Variants in GALNT17 observed in about 807,000 individuals in gnomAD.
The protein encoded by GALNT17 is UDP-GalNAc:polypeptide N-acetylgalactosaminyltransferase-like 3.
Under a neutral mutation model 63.7 loss-of-function variants are expected in GALNT17, and 29 were observed. The observed-to-expected ratio is 0.46, with a 90% confidence interval of 0.34 to 0.62. The LOEUF (loss-of-function observed/expected upper bound fraction) is 0.62. Among genes scored for constraint, GALNT17 ranks in the 20% least tolerant of loss-of-function variants. The probability of loss-of-function intolerance (pLI) is 0.01; values close to 1 mark genes in which losing one functional copy is unlikely to be tolerated. For missense variants in GALNT17, 603 were observed against 799.6 expected (o/e 0.75, Z 2.97); for synonymous variants, 305 against 318.3 (o/e 0.96, Z 0.45).
At chr7:71,369,642 G>A (rs1035769741) in intron 2 of GALNT17, among the ~76,000 whole-genome samples, 2 of 151,690 alleles carry the variant, frequency 1.3e-5, no homozygotes, top group African/African-American at 2.4e-5. Context: ...GAGAAACCCC[G>A]TCTCTACTAA....
intron 6 of GALNT17, among the ~76,000 whole-genome samples, chr7:71,627,570 G>T (rs7794970): frequency 0.011 from 1,618 of 152,204 alleles, 9 homozygotes; most frequent in Non-Finnish European, 0.016. Context: ...ATCAACAGAG[G>T]TACAACCACG....
intron 1 of GALNT17, among the ~76,000 whole-genome samples, chr7:71,165,283 T>A (rs1267091734): frequency 5.3e-5 from 8 of 152,234 alleles, no homozygotes; most frequent in Admixed American, 5.2e-4. Flanking sequence ...GTTCAAGTTC[T>A]GGCACTGCTA....
chr7:71,207,863 TG>T (rs1247067323), intron 1 of GALNT17, among the ~76,000 whole-genome samples: 1 of 152,178 alleles, frequency 6.6e-6, no homozygotes, highest in African/African-American at 2.4e-5. Context: ...GGATTTGTCA[TG>T]GGTACAACAT....
At chr7:71,636,002 T>C (rs990998799) in intron 6 of GALNT17, among the ~76,000 whole-genome samples, 7 of 152,180 alleles carry the variant, frequency 4.6e-5, no homozygotes, top group Admixed American at 6.5e-5. Flanking sequence ...ATCCTGTGAC[T>C]AAGAATGCCT....
chr7:71,576,784 T>C (rs565663323), intron 6 of GALNT17, among the ~76,000 whole-genome samples: 1 of 152,212 alleles, frequency 6.6e-6, no homozygotes, highest in South Asian at 2.1e-4. Context: ...CCCAGGATGG[T>C]CTCAAACTTC....
At chr7:71,582,639 A>G (rs1662520746) in intron 6 of GALNT17, among the ~76,000 whole-genome samples, 1 of 152,156 alleles carries the variant, frequency 6.6e-6, no homozygotes, top group African/African-American at 2.4e-5. Flanking sequence ...CTCGGCCATA[A>G]AAAGGAATGA....
intron 6 of GALNT17, among the ~76,000 whole-genome samples, chr7:71,659,687 A>G (rs1383229753): frequency 6.6e-6 from 1 of 152,242 alleles, no homozygotes; most frequent in East Asian, 1.9e-4. Flanking sequence ...GAGAGGGGAA[A>G]TAGGTTCAGC....
chr7:71,373,548 G>T (rs949342088), intron 2 of GALNT17, among the ~76,000 whole-genome samples: 1 of 152,266 alleles, frequency 6.6e-6, no homozygotes, highest in East Asian at 1.9e-4. Context: ...TGAGCGGCGG[G>T]TGAGCAAGCG....
chr7:71,575,360 A>G (rs1194065308), intron 6 of GALNT17, among the ~76,000 whole-genome samples: 2 of 150,836 alleles, frequency 1.3e-5, no homozygotes, highest in African/African-American at 4.9e-5. Flanking sequence ...CATTCAATGG[A>G]AAATTTTTAA....
chr7:71,241,452 T>C (rs1380888101), intron 1 of GALNT17, among the ~76,000 whole-genome samples: 2 of 152,076 alleles, frequency 1.3e-5, no homozygotes, highest in East Asian at 3.9e-4. Flanking sequence ...TGGAGGTGAG[T>C]AGATCCTTTC....
intron 5 of GALNT17, 115 bp downstream of exon 5, chr7:71,421,220 G>A: frequency 9.0e-7 from 1 of 1,116,398 alleles, no homozygotes; most frequent in Non-Finnish European, 1.3e-6. Context: ...TGTGCACACA[G>A]CTCTCCAGGA....
intron 9 of GALNT17, among the ~76,000 whole-genome samples, chr7:71,700,468 G>A (rs574964564): frequency 6.6e-6 from 1 of 152,200 alleles, no homozygotes; most frequent in African/African-American, 2.4e-5. Context: ...AGTGTGGTCA[G>A]CCTAAAATTC....
chr7:71,529,109 T>A (rs913258384), intron 5 of GALNT17, among the ~76,000 whole-genome samples: 1 of 152,098 alleles, frequency 6.6e-6, no homozygotes, highest in African/African-American at 2.4e-5. Context: ...CACTCCAGCC[T>A]GGGTGACAGA....
intron 2 of GALNT17, among the ~76,000 whole-genome samples, chr7:71,378,458 G>C (rs1014536310): frequency 6.6e-6 from 1 of 152,138 alleles, no homozygotes; most frequent in Non-Finnish European, 1.5e-5. Context: ...GACCCAAGCA[G>C]CTTTCAGAGT....
intron 1 of GALNT17, among the ~76,000 whole-genome samples, chr7:71,296,430 A>G (rs964169609): frequency 6.6e-6 from 1 of 152,056 alleles, no homozygotes; most frequent in African/African-American, 2.4e-5. Context: ...CTTGGCCAAC[A>G]TGGGGCCAAC....
intron 1 of GALNT17, among the ~76,000 whole-genome samples, chr7:71,145,961 C>T (rs1286670762): frequency 1.3e-5 from 2 of 152,184 alleles, no homozygotes; most frequent in Non-Finnish European, 2.9e-5. Context: ...CAGTCTTGGC[C>T]TCCCAAAGTG....
At chr7:71,453,259 C>A (rs1314548146) in intron 5 of GALNT17, among the ~76,000 whole-genome samples, 1 of 152,102 alleles carries the variant, frequency 6.6e-6, no homozygotes, top group Non-Finnish European at 1.5e-5. Context: ...AGCATTATAA[C>A]CCAGTTCACC....
intron 6 of GALNT17, among the ~76,000 whole-genome samples, chr7:71,614,693 G>A (rs1478179867): frequency 6.6e-6 from 1 of 150,864 alleles, no homozygotes; most frequent in African/African-American, 2.4e-5. Flanking sequence ...AGGAAGGGAG[G>A]GAGGGAAGAA....
chr7:71,648,390 C>T (rs1449818027), intron 6 of GALNT17, among the ~76,000 whole-genome samples: 1 of 151,994 alleles, frequency 6.6e-6, no homozygotes, highest in Non-Finnish European at 1.5e-5. Flanking sequence ...CCCGCGTCAG[C>T]CTCCTGAGTA....
Sources: allele counts gnomAD v4.1 joint callset (sites outside exome capture counted in the v4.1 genomes callset), GRCh38; gene constraint gnomAD v4.1.1; transcripts MANE v1.5; gene names NCBI Gene and HGNC (gene_info 2026-07-23, HGNC 2026-07-21).